The following KCNC4 variants were observed in gnomAD, a reference collection of about 807,000 sequenced individuals.
KCNC4 encodes potassium voltage-gated channel subfamily C member 4.
Under a neutral mutation model 42.8 loss-of-function variants are expected in KCNC4, and 23 were observed. The ratio of observed to expected loss-of-function variants is 0.54; its 90% CI spans 0.39 to 0.76. The LOEUF is 0.76. Among genes scored for constraint, KCNC4 ranks in the 30% least tolerant of loss-of-function variants. KCNC4 has a pLI of 0.00. For missense variants in KCNC4, 751 were observed against 898.2 expected (o/e 0.84, Z 2.10); for synonymous variants, 422 against 393.5 (o/e 1.07, Z -0.86).
chr1:110,250,151 C>T (rs1049295552), downstream of KCNC4, among the ~76,000 whole-genome samples: 5 of 152,174 alleles, frequency 3.3e-5, no homozygotes, highest in East Asian at 1.9e-4. Flanking sequence ...TCCCCTTTCC[C>T]GGGCTCCCCC....
In KCNC4 at chr1:110,233,167, C is replaced by G; in HGVS notation, c.*195C>G. On this transcript the variant is annotated 3_prime_UTR_variant, in exon 4 of 4. Transcript: ENST00000438661. ...TCTGATGTTCTGTTCCATTGTACAT[C>G]GAAGAGATATATATGCACATATAGT... 1 of 631,326 alleles carries G rather than the reference C, an allele frequency of 1.6e-6. No individual in the cohort carries two copies. Among genetic ancestry groups the G allele is most frequent in the Non-Finnish European group, 2.8e-6 (1 of 360,956 alleles). The allele number at this position is 631,326 out of a possible 1,614,324, so 39.1% of individuals were successfully genotyped here.
At chr1:110,225,948 A>G (rs1432967600) in intron 2 of KCNC4, 27 bp from the exon 3 acceptor site, 2 of 1,552,354 alleles carry the variant, frequency 1.3e-6, no homozygotes, top group Non-Finnish European at 8.7e-7. Flanking sequence ...CCCCTCATGC[A>G]GCCTCCTTTC....
chr1:110,265,402 TAAAATAA>T (rs1452701235), intron 1 of KCNC4, among the ~76,000 whole-genome samples: 1 of 110,464 alleles, frequency 9.1e-6, no homozygotes, highest in Non-Finnish European at 1.7e-5. Flanking sequence ...TAAAATAAAA[TAAAATAA>T]AATAAAATAA....
chr1:110,214,921 C>T (rs1162155408), intron 1 of KCNC4, among the ~76,000 whole-genome samples: 1 of 152,134 alleles, frequency 6.6e-6, no homozygotes, highest in Non-Finnish European at 1.5e-5. Flanking sequence ...TGCACTTTCC[C>T]CCCTCCATTT....
Position 110,225,954 on chromosome 1 carries a change from C to T in KCNC4, c.1616-21C>T, listed in dbSNP as rs748102066. On this transcript the variant is annotated intron_variant, in intron 2 of 3. Transcript: ENST00000438661. ...CTCAGGTCGCCCCTCATGCAGCCTC[C>T]TTTCTGTGTGCCCCCTTCAGACTCT... is the stretch of plus-strand genomic sequence containing the variant. 6 of 1,559,952 alleles carry T rather than the reference C, an allele frequency of 3.8e-6. No individual in the cohort carries two copies. The African/African-American group carries it at 5.4e-5, about 14-fold the overall frequency.
intron 1 of KCNC4, among the ~76,000 whole-genome samples, chr1:110,275,729 C>A (rs1015697409): frequency 1.3e-5 from 2 of 151,870 alleles, no homozygotes; most frequent in African/African-American, 2.4e-5. Context: ...GAGGCCGAGG[C>A]GGGTGGATCA....
intron 3 of KCNC4, among the ~76,000 whole-genome samples, chr1:110,230,286 A>T (rs2361045): frequency 0.029 from 4,398 of 152,260 alleles, 210 homozygotes; most frequent in African/African-American, 0.098. Context: ...GCCTCCATGC[A>T]ACTGCCCTTC....
chr1:110,230,517 G>A (rs1430317249), intron 3 of KCNC4, among the ~76,000 whole-genome samples: 1 of 152,206 alleles, frequency 6.6e-6, no homozygotes, highest in Non-Finnish European at 1.5e-5. Context: ...CGCTATTTCT[G>A]TGGCAGCCCT....
In KCNC4 at chr1:110,233,944, C is replaced by G. The variant is rs561807952; in HGVS notation, c.*972C>G. ...CCCCTCGTGTGTGTCTGGGGCATGC[C>G]CAGGCTGGGCCCTGTGCCCTGTCTG... On this transcript the variant is annotated 3_prime_UTR_variant, in exon 4 of 4. Transcript: ENST00000438661. The G allele has an allele frequency of 1.5e-4, 23 of 152,476 alleles. No homozygotes were observed. Among genetic ancestry groups the G allele is most frequent in the African/African-American group, 5.5e-4 (23 of 41,558 alleles). The allele number at this position is 152,476 out of a possible 1,614,324, so 9.4% of individuals were successfully genotyped here.
chr1:110,279,097 G>C (rs3738753), intron 1 of KCNC4, among the ~76,000 whole-genome samples: 38,962 of 152,042 alleles, frequency 0.26, 5,512 homozygotes, highest in Non-Finnish European at 0.32. Flanking sequence ...TTTCTTCCAG[G>C]ATATAAATGC....
intron 3 of KCNC4, among the ~76,000 whole-genome samples, chr1:110,227,643 A>G (rs35727640): frequency 0.033 from 5,075 of 152,300 alleles, 129 homozygotes; most frequent in Middle Eastern, 0.075. Flanking sequence ...GTCCTTGTTC[A>G]GGCCCAAAGC....
chr1:110,283,028 G>T (rs916619127), exon 3 of KCNC4: 1 of 152,318 alleles, frequency 6.6e-6, no homozygotes, highest in African/African-American at 2.4e-5. Context: ...GCATGGTGCT[G>T]GCATCTGCTT....
downstream of KCNC4, among the ~76,000 whole-genome samples, chr1:110,250,725 C>G (rs1393516627): frequency 6.6e-6 from 1 of 152,112 alleles, no homozygotes; most frequent in East Asian, 1.9e-4. Flanking sequence ...GAGTGAGGCA[C>G]CCAGCAAGGC....
chr1:110,250,024 T>G (rs1421924050), downstream of KCNC4, among the ~76,000 whole-genome samples: 1 of 152,212 alleles, frequency 6.6e-6, no homozygotes, highest in Non-Finnish European at 1.5e-5. Context: ...GCGAACACTT[T>G]CCTTAATTAA....
chr1:110,221,850 A>C (rs568984514), intron 1 of KCNC4: 5 of 152,372 alleles, frequency 3.3e-5, no homozygotes, highest in African/African-American at 1.2e-4. Flanking sequence ...GGACCCCATC[A>C]GTGGGCATCC....
intron 1 of KCNC4, among the ~76,000 whole-genome samples, chr1:110,219,109 C>T (rs1657961404): frequency 6.6e-6 from 1 of 152,232 alleles, no homozygotes; most frequent in Admixed American, 6.5e-5. Flanking sequence ...GCAAGCACTC[C>T]TCCCTGGGCC....
intron 1 of KCNC4, among the ~76,000 whole-genome samples, chr1:110,215,705 G>T (rs1386441159): frequency 6.6e-6 from 1 of 152,216 alleles, no homozygotes; most frequent in Admixed American, 6.5e-5. Context: ...TATGTGGGAG[G>T]CTTGGCCTGT....
At chr1:110,271,412 CCAAGTCTCTGGACT>C (rs1659632656) in intron 1 of KCNC4, among the ~76,000 whole-genome samples, 1 of 152,044 alleles carries the variant, frequency 6.6e-6, no homozygotes, top group African/African-American at 2.4e-5. Context: ...AAACTGGAAC[CCAAGTCTCTGGACT>C]CTTGAGAGTA....
chr1:110,227,667 G>A (rs1440032640), intron 3 of KCNC4, among the ~76,000 whole-genome samples: 3 of 152,196 alleles, frequency 2.0e-5, no homozygotes, highest in African/African-American at 7.2e-5. Context: ...GCTCTGGCTG[G>A]ACCGTGCTAA....
Sources: allele counts gnomAD v4.1 joint callset (sites outside exome capture counted in the v4.1 genomes callset), GRCh38; gene constraint gnomAD v4.1.1; transcripts MANE v1.5; gene names NCBI Gene and HGNC (gene_info 2026-07-23, HGNC 2026-07-21).